FZR1: variants seen among roughly 807,000 people sequenced by gnomAD.
FZR1 encodes the protein fizzy-related protein homolog.
In FZR1, 11 loss-of-function variants were observed where a neutral mutation model predicts 63.6. The ratio of observed to expected loss-of-function variants is 0.17; its 90% confidence interval spans 0.11 to 0.29. The LOEUF (loss-of-function observed/expected upper bound fraction) is 0.29, where lower values mean the gene tolerates loss of function less well. Among genes scored for constraint, FZR1 ranks in the 10% least tolerant of loss-of-function variants. The pLI, the probability that FZR1 is intolerant of heterozygous loss-of-function variation, is 1.00. For missense variants in FZR1, 440 were observed against 687.5 expected (o/e 0.64, Z 4.03); for synonymous variants, 328 against 297.9 (o/e 1.10, Z -1.04).
chr19:3,530,922 C>A (rs1210560818), intron 8 of FZR1, 65 bp downstream of exon 8: 7 of 1,294,880 alleles, frequency 5.4e-6, no homozygotes, highest in Non-Finnish European at 7.7e-6. Context: ...TGTTGGGGGC[C>A]TTGAAGACCC....
At chr19:3,528,954 G>A (rs2083195312) in intron 7 of FZR1, among the ~76,000 whole-genome samples, 1 of 151,508 alleles carries the variant, frequency 6.6e-6, no homozygotes, top group Non-Finnish European at 1.5e-5. Context: ...GAGAGCGGAT[G>A]GGTGAGTGGA....
At chr19:3,523,116 C>G (rs2083119194) in intron 2 of FZR1, 58 bp downstream of exon 2, 3 of 1,068,810 alleles carry the variant, frequency 2.8e-6, no homozygotes, top group Non-Finnish European at 4.4e-6. Flanking sequence ...TGCCTCTGCC[C>G]TGGCCAGCAG....
rs552309638 is a variant in FZR1 at position 3,516,714 on chromosome 19, C to T, written c.-34-6242C>T. Among the ~76,000 whole-genome samples, 126 of 152,364 alleles carry T rather than the reference C, an allele frequency of 8.3e-4. No individual in the cohort carries two copies. Among genetic ancestry groups the T allele is most frequent in the African/African-American group, 2.8e-3 (115 of 41,598 alleles). The stretch of plus-strand genomic sequence containing the variant: ...GCAGGGACAGACAGGAGCTGGGTCT[C>T]AGGCTGCTGGGCAGGCCTGGGCCCT... On this transcript the variant is annotated intron_variant, in intron 1 of 13. Transcript: ENST00000441788. This position sits in a 1 kb window ranked among gnomAD's most constrained non-coding sequence, Gnocchi z 6.0.
intron 10 of FZR1, 59 bp downstream of exon 10, chr19:3,532,154 C>G (rs1044101941): frequency 1.4e-6 from 2 of 1,417,948 alleles, no homozygotes; most frequent in Admixed American, 5.0e-5. Flanking sequence ...CTCACACTGG[C>G]AGGAACGGAA....
rs2083051056 is a variant in FZR1, at chr19:3,515,298, TAAC to T, written c.-34-7656_-34-7654del. On this transcript the variant is annotated intron_variant, in intron 1 of 13. Coordinates refer to ENST00000441788, the MANE Select transcript of FZR1 (RefSeq NM_016263.4). This position sits in a 1 kb window ranked among gnomAD's most constrained non-coding sequence, Gnocchi z 4.6. The stretch of plus-strand genomic sequence containing the variant: ...ACGTTGTCTGTGCTCAGGAATTACT[TAAC>T]AGCAGCTTAAGATCCTGATTTCTCT... Among the ~76,000 whole-genome samples the T allele has an allele frequency of 6.6e-6, 1 of 152,198 alleles. No homozygotes were observed.
chr19:3,512,793 TC>T (rs1255960664), intron 1 of FZR1, among the ~76,000 whole-genome samples: 1 of 152,068 alleles, frequency 6.6e-6, no homozygotes, highest in African/African-American at 2.4e-5. Flanking sequence ...AGAGTCCTCC[TC>T]TGAGGAGTGG....
chr19:3,526,122 G>A lies in FZR1; in HGVS notation c.198G>A (p.Glu66=), dbSNP rs749172332. The change falls in exon 4 of 14, where the codon GAG becomes GAA. Residue 66 remains glutamate, a splice_region_variant and synonymous_variant. Transcript: ENST00000441788. This position sits in a 1 kb window ranked among gnomAD's most constrained non-coding sequence, Gnocchi z 5.4. ...CCTCTCTGCTCTCCTGCCTGCAGGA[G>A]AATGAGAAGTCTCCCAGTCAGAACC... ...NWSVNFHRIN[E]NEKSPSQNRK... The A allele has an allele frequency of 1.9e-6, 3 of 1,612,932 alleles. No homozygotes were observed. Among genetic ancestry groups the A allele is most frequent in the Non-Finnish European group, 2.5e-6 (3 of 1,179,962 alleles).
chr19:3,531,826 C>T lies in FZR1; in HGVS notation c.823+10C>T, dbSNP rs1391270971. Reference sequence around the variant, plus strand: ...CACACGGCACGCGTCGGTGAGGAGCCCGGGTCCCATGGCTGGTGAGCTCCC... The same window carrying T: ...CACACGGCACGCGTCGGTGAGGAGCTCGGGTCCCATGGCTGGTGAGCTCCC... On this transcript the variant is annotated intron_variant, in intron 9 of 13. Coordinates refer to ENST00000441788, the MANE Select transcript of FZR1 (RefSeq NM_016263.4). 1 of 1,550,032 alleles carries T rather than the reference C, an allele frequency of 6.5e-7. No homozygotes were observed. Among genetic ancestry groups the T allele is most frequent in the South Asian group, 1.2e-5 (1 of 84,058 alleles).
chr19:3,530,697 A>G, intron 7 of FZR1, 95 bp from the exon 8 acceptor site: 2 of 860,936 alleles, frequency 2.3e-6, no homozygotes, highest in Non-Finnish European at 1.9e-6. Flanking sequence ...AGTGGATGAG[A>G]GTGGATGGGT....
rs1287880201 is a variant in FZR1, at chr19:3,533,775, C to T, written c.1347+377C>T. On this transcript the variant is annotated intron_variant, in intron 12 of 13. Transcript: ENST00000441788. This position sits in a 1 kb window ranked among gnomAD's most constrained non-coding sequence, Gnocchi z 4.9. ...ACGTGGCTGGATGGGGGCCAGGAGG[C>T]GTCCTTGGCCCCACGTGCCCTCACT... 1.6e-5 allele frequency: 3 copies of T among 189,372 alleles called. No homozygotes were observed. Among genetic ancestry groups the T allele is most frequent in the Admixed American group, 6.0e-5 (1 of 16,752 alleles). The allele number at this position is 189,372 out of a possible 1,614,324, so 11.7% of individuals were successfully genotyped here.
rs2030052715 is a variant in FZR1, at chr19:3,537,990, C to T, written c.*3154C>T. On this transcript the variant is annotated 3_prime_UTR_variant, in exon 14 of 14. Coordinates refer to ENST00000441788, the MANE Select transcript of FZR1 (RefSeq NM_016263.4). ...GCAAAGGGCACAGCCATGCAAAGGC[C>T]CTGGGGCAGGACGGCACCTGGTATG... 2 of 153,164 alleles carry T rather than the reference C, an allele frequency of 1.3e-5. No homozygotes were observed. Among genetic ancestry groups the T allele is most frequent in the South Asian group, 2.1e-4 (1 of 4,876 alleles). 9.5% of individuals were successfully genotyped at this position (153,164 alleles called of 1,614,324 possible).
rs1328341622 is a variant in FZR1, at chr19:3,536,320, C to T, written c.*1484C>T. On this transcript the variant is annotated 3_prime_UTR_variant, in exon 14 of 14. Coordinates refer to ENST00000441788, the MANE Select transcript of FZR1 (RefSeq NM_016263.4). Reference sequence around the variant, plus strand: ...TAAAGCCCCGTCATTTCAAGCGGGTCGATCTTCCACATTCACTGGAGAGAC... The same window carrying T: ...TAAAGCCCCGTCATTTCAAGCGGGTTGATCTTCCACATTCACTGGAGAGAC... 1.3e-5 allele frequency: 2 copies of T among 152,154 alleles called. No homozygotes were observed. The highest frequency in any genetic ancestry group is 4.1e-4 in the South Asian group (2 of 4,830). The allele number at this position is 152,154 out of a possible 1,614,324, so 9.4% of individuals were successfully genotyped here.
chr19:3,509,832 G>A (rs1304684259), intron 1 of FZR1, among the ~76,000 whole-genome samples: 1 of 152,196 alleles, frequency 6.6e-6, no homozygotes, highest in Non-Finnish European at 1.5e-5. Flanking sequence ...GAGGCACCGG[G>A]TTTTGTGCGT....
At chr19:3,532,373 C>T (rs2083257243) in intron 10 of FZR1, 44 bp from the exon 11 acceptor site, 1 of 1,484,538 alleles carries the variant, frequency 6.7e-7, no homozygotes, top group Non-Finnish European at 9.2e-7. Flanking sequence ...CCTATGGGAC[C>T]ACAGGGCTGG....
chr19:3,521,985 T>A (rs1262180198), intron 1 of FZR1, among the ~76,000 whole-genome samples: 3 of 151,882 alleles, frequency 2.0e-5, no homozygotes, highest in Non-Finnish European at 2.9e-5. Flanking sequence ...GCCTCCCAAG[T>A]AGCTGGGACC....
rs1231550851 is a variant in FZR1 at position 3,530,453 on chromosome 19, A to AGAGCGCATGGAT, written c.655-328_655-317dup. On this transcript the variant is annotated intron_variant, in intron 7 of 13. Coordinates refer to ENST00000441788, the MANE Select transcript of FZR1 (RefSeq NM_016263.4). ...GAGAGCGGATGGGAGAGCGCATGGGAGAGCGCATGGATGAGCGCATGGGAG... is the reference window on the plus strand; with the variant it reads ...GAGAGCGGATGGGAGAGCGCATGGGAGAGCGCATGGATGAGCGCATGGATGAGCGCATGGGAG... Among the ~76,000 whole-genome samples, 2 of 122,410 alleles carry AGAGCGCATGGAT rather than the reference A, an allele frequency of 1.6e-5. 1 individual carries two copies. 80.3% of individuals were successfully genotyped at this position (122,410 alleles called of 152,430 possible). A position where few individuals can be genotyped will look rare whatever the true frequency, so the allele number is the denominator to read the frequency against.
chr19:3,508,253 G>A (rs1223582460), intron 1 of FZR1, among the ~76,000 whole-genome samples: 1 of 135,780 alleles, frequency 7.4e-6, no homozygotes, highest in Non-Finnish European at 1.5e-5. Context: ...CTGAAGTCCA[G>A]TGGCGCGATC....
chr19:3,508,171 G>A (rs537282942), intron 1 of FZR1, among the ~76,000 whole-genome samples: 106 of 151,000 alleles, frequency 7.0e-4, no homozygotes, highest in Non-Finnish European at 1.4e-3. Flanking sequence ...AAGCCGGATT[G>A]GTCTTCAAGG....
intron 7 of FZR1, among the ~76,000 whole-genome samples, chr19:3,528,406 C>T (rs541680684): frequency 3.3e-5 from 5 of 152,228 alleles, no homozygotes; most frequent in African/African-American, 9.7e-5. Flanking sequence ...CAGTGTCCCA[C>T]ACCCTTCTAG....
Sources: gnomAD v4.1 joint callset for allele counts (sites outside exome capture counted in the v4.1 genomes callset) on GRCh38, gnomAD v4.1.1 for gene constraint, Gnocchi (gnomAD v3.1) non-coding constraint, MANE v1.5 for transcripts, NCBI Gene and HGNC (gene_info 2026-07-23, HGNC 2026-07-21) for gene names.